GRM7: variants seen among roughly 807,000 people sequenced by gnomAD.
GRM7 encodes the protein metabotropic glutamate receptor 7.
GRM7 carries 35 observed loss-of-function variants against 84.5 expected under a neutral mutation model. That is an observed-to-expected ratio of 0.41 (90% CI 0.32 to 0.55). GRM7 has a LOEUF of 0.55. Among genes scored for constraint, GRM7 ranks in the 20% least tolerant of loss-of-function variants. The pLI is 0.19. For synonymous variants in GRM7, 487 were observed against 455.1 expected (o/e 1.07, Z -0.89); for missense variants, 1,003 against 1,194.6 (o/e 0.84, Z 2.36).
Position 6,928,156 on chromosome 3 carries a change from G to T in GRM7, c.519+66249G>T, listed in dbSNP as rs1278193289. 6.8e-6 allele frequency among the ~76,000 whole-genome samples: 1 copy of T among 147,930 alleles called. No individual in the cohort carries two copies. The highest frequency in any genetic ancestry group is 1.5e-5 in the Non-Finnish European group (1 of 67,334). ...TAACACATCCCTCATTGATCCTGTT[G>T]CCTCTTCCAAGCACGTTGCTTGGTT... is the stretch of plus-strand genomic sequence containing the variant. On this transcript the variant is annotated intron_variant, in intron 1 of 9. Transcript: ENST00000357716. The surrounding 1 kb of genome is among the most constrained non-coding windows in gnomAD (Gnocchi z 4.5).
intron 2 of GRM7, among the ~76,000 whole-genome samples, chr3:7,251,856 GATGTTGAGAGCAAATT>G (rs1470822764): frequency 2.0e-5 from 3 of 152,148 alleles, no homozygotes; most frequent in Non-Finnish European, 4.4e-5. Context: ...AGTATAACCT[GATGTTGAGAGCAAATT>G]ATCAAAGATA....
In GRM7 at chr3:7,430,322, G is replaced by A. The variant is rs140405855; in HGVS notation, c.1174+15159G>A. Among the ~76,000 whole-genome samples, 1,057 of 152,300 alleles carry A rather than the reference G, an allele frequency of 6.9e-3. 5 individuals carry two copies. The highest frequency in any genetic ancestry group is 0.011 in the Non-Finnish European group (768 of 68,028). On this transcript the variant is annotated intron_variant, in intron 5 of 9. Coordinates refer to ENST00000357716, the MANE Select transcript of GRM7 (RefSeq NM_000844.4). ...ACCTGGGATGTTCAGCTTCTAAGAT[G>A]TTTGGCAAGGAGAGCTGTTAGATTT...
rs13084412 is a variant in GRM7, at chr3:7,683,721, T to G, written c.2698+3426T>G. Among the ~76,000 whole-genome samples, 166 of 152,362 alleles carry G rather than the reference T, an allele frequency of 1.1e-3. 1 individual carries two copies. Among genetic ancestry groups the G allele is most frequent in the Non-Finnish European group, 1.7e-3 (118 of 68,032 alleles). On this transcript the variant is annotated intron_variant, in intron 9 of 9. Transcript: ENST00000357716. ...AACATTTGAAATATAGCTACTCAAC[T>G]GAAGAAATACATTTGTTATTTTACT...
chr3:7,317,334 C>T (rs573457877), intron 4 of GRM7, among the ~76,000 whole-genome samples: 71 of 152,170 alleles, frequency 4.7e-4, no homozygotes, highest in African/African-American at 1.6e-3. Context: ...TTTTGAGTAT[C>T]TTCGAAGAAT....
chr3:7,359,221 TG>T (rs1693554074), intron 4 of GRM7, among the ~76,000 whole-genome samples: 1 of 29,020 alleles, frequency 3.4e-5, no homozygotes, highest in African/African-American at 2.0e-4. Flanking sequence ...TGTTTGTGTT[TG>T]TGTGTGTGTG....
chr3:7,546,333 C>T (rs767857394), intron 7 of GRM7, among the ~76,000 whole-genome samples: 2 of 152,176 alleles, frequency 1.3e-5, no homozygotes, highest in South Asian at 2.1e-4. Flanking sequence ...ACTTCTGTTA[C>T]GGACACCTGA....
chr3:7,121,060 T>C (rs541616415), intron 1 of GRM7, among the ~76,000 whole-genome samples: 2 of 152,306 alleles, frequency 1.3e-5, no homozygotes, highest in South Asian at 4.1e-4. Context: ...CCTCTGGCCC[T>C]AGCAGGATTC....
At chr3:7,177,035 T>C (rs1448433810) in intron 2 of GRM7, among the ~76,000 whole-genome samples, 2 of 152,196 alleles carry the variant, frequency 1.3e-5, no homozygotes, top group Non-Finnish European at 2.9e-5. Context: ...TCTTTTCACA[T>C]AGACTCCAAA....
At chr3:7,454,028 A>G (rs1697893474) in intron 6 of GRM7, among the ~76,000 whole-genome samples, 1 of 151,676 alleles carries the variant, frequency 6.6e-6, no homozygotes, top group Non-Finnish European at 1.5e-5. Flanking sequence ...AAGTGCCCCA[A>G]CATTATAACA....
At chr3:7,622,579 T>TAGAG (rs1697409949) in intron 8 of GRM7, among the ~76,000 whole-genome samples, 1 of 151,950 alleles carries the variant, frequency 6.6e-6, no homozygotes, top group South Asian at 2.1e-4. Flanking sequence ...CACTGTGGCA[T>TAGAG]AGAGAATACG....
Position 6,985,354 on chromosome 3 carries a change from C to T in GRM7, c.519+123447C>T, listed in dbSNP as rs1694370010. 2.0e-5 allele frequency among the ~76,000 whole-genome samples: 3 copies of T among 152,034 alleles called. No homozygotes were observed. In the South Asian group the frequency reaches 6.2e-4, roughly 32 times the overall value. ...GTACCCATTAACCATCTTCACCCAC[C>T]CTCCACTACCCTTCCCAGCCTCTGG... On this transcript the variant is annotated intron_variant, in intron 1 of 9. Coordinates refer to ENST00000357716, the MANE Select transcript of GRM7 (RefSeq NM_000844.4).
At chr3:7,061,852 A>G (rs1402452847) in intron 1 of GRM7, among the ~76,000 whole-genome samples, 1 of 151,780 alleles carries the variant, frequency 6.6e-6, no homozygotes, top group Non-Finnish European at 1.5e-5. Context: ...TTTCTTGTCC[A>G]ACTAAGAGTA....
At chr3:7,739,325 A>G (rs988343830) in intron 9 of GRM7, among the ~76,000 whole-genome samples, 1 of 152,178 alleles carries the variant, frequency 6.6e-6, no homozygotes, top group Non-Finnish European at 1.5e-5. Context: ...CCAAAATTGT[A>G]TATGAATCCC....
At chr3:7,119,844 C>A (rs1422087109) in intron 1 of GRM7, among the ~76,000 whole-genome samples, 1 of 152,106 alleles carries the variant, frequency 6.6e-6, no homozygotes, top group East Asian at 1.9e-4. Context: ...ATGACTTCAG[C>A]TCATATTTTA....
At chr3:7,413,796 G>C (rs55976300) in intron 4 of GRM7, among the ~76,000 whole-genome samples, 3 of 152,158 alleles carry the variant, frequency 2.0e-5, no homozygotes, top group African/African-American at 7.2e-5. Flanking sequence ...AGCAGTAGTT[G>C]TTGACTGTTG....
chr3:7,661,357 C>T (rs1006022738), intron 8 of GRM7, among the ~76,000 whole-genome samples: 2 of 152,144 alleles, frequency 1.3e-5, no homozygotes, highest in Non-Finnish European at 2.9e-5. Flanking sequence ...CTCAACATCA[C>T]CAGTCGTTAG....
chr3:6,964,197 A>T (rs1299165786), intron 1 of GRM7, among the ~76,000 whole-genome samples: 1 of 152,198 alleles, frequency 6.6e-6, no homozygotes, highest in Non-Finnish European at 1.5e-5. Context: ...ATGACAAAGT[A>T]CTATGGACTG....
intron 7 of GRM7, among the ~76,000 whole-genome samples, chr3:7,515,839 T>C (rs956947350): frequency 6.6e-6 from 1 of 151,942 alleles, no homozygotes; most frequent in Admixed American, 6.6e-5. Context: ...TGCATGAGGC[T>C]GATATAAAAA....
intron 4 of GRM7, among the ~76,000 whole-genome samples, chr3:7,391,878 C>G (rs531508003): frequency 2.0e-4 from 30 of 152,124 alleles, no homozygotes; most frequent in Non-Finnish European, 2.8e-4. Flanking sequence ...TCTCGAGAAG[C>G]TGGAAAAGCA....
Sources: gnomAD v4.1 joint callset for allele counts (sites outside exome capture counted in the v4.1 genomes callset) on GRCh38, gnomAD v4.1.1 for gene constraint, Gnocchi (gnomAD v3.1) non-coding constraint, MANE v1.5 for transcripts, NCBI Gene and HGNC (gene_info 2026-07-23, HGNC 2026-07-21) for gene names.